Variants in ENPP3 observed in about 807,000 individuals in gnomAD.
ENPP3 encodes ectonucleotide pyrophosphatase/phosphodiesterase 3.
Under a neutral mutation model 117.8 loss-of-function variants are expected in ENPP3, and 104 were observed. The observed-to-expected ratio is 0.88, with a 90% CI of 0.75 to 1.04. The LOEUF (loss-of-function observed/expected upper bound fraction) is 1.04, where lower values mean the gene tolerates loss of function less well. Among genes scored for constraint, ENPP3 ranks in the 50% least tolerant of loss-of-function variants. The pLI is 0.00. For missense variants in ENPP3, 1,026 were observed against 1,051.9 expected, an observed-to-expected ratio of 0.98 and a Z score of 0.34; for synonymous variants, 380 against 349.9, an observed-to-expected ratio of 1.09 and a Z score of -0.96.
chr6:131,699,498 T>C (rs1406341900), intron 15 of ENPP3: 1 of 150,758 alleles, frequency 6.6e-6, no homozygotes, highest in East Asian at 2.0e-4. Context: ...TTGAAATCTT[T>C]CTAGATTTTT....
chr6:131,724,442 C>T (rs1303541378), intron 19 of ENPP3, among the ~76,000 whole-genome samples: 1 of 152,130 alleles, frequency 6.6e-6, no homozygotes, highest in Non-Finnish European at 1.5e-5. Context: ...CACTTAGCCT[C>T]CCTGTGCCTC....
rs1203247352 is a variant in ENPP3, at chr6:131,716,821, A to G, written c.1413-1851A>G. ...CTCTCTCCACTAAAAACACAAAAAT[A>G]TTAGCTGGATGTGGTGGCACATGCC... On this transcript the variant is annotated intron_variant, in intron 15 of 24. Transcript: ENST00000357639. Among the ~76,000 whole-genome samples the G allele has an allele frequency of 2.0e-5, 3 of 149,052 alleles. No individual in the cohort carries two copies. In the Admixed American group the frequency reaches 2.0e-4, roughly 10 times the overall value.
In ENPP3 at chr6:131,676,719, C is replaced by G; in HGVS notation, c.873-17C>G. On this transcript the variant is annotated splice_polypyrimidine_tract_variant and intron_variant, in intron 9 of 24. Coordinates refer to ENST00000357639, the MANE Select transcript of ENPP3 (RefSeq NM_005021.5). ...TTTGATTCATTTTAAAGAATTATTT[C>G]TACCCTATTTTTTCAGAAGTGTCCC... 6.6e-7 allele frequency: 1 copy of G among 1,521,166 alleles called. No homozygotes were observed. The highest frequency in any genetic ancestry group is 9.1e-7 in the Non-Finnish European group (1 of 1,095,816). The allele number at this position is 1,521,166 out of a possible 1,614,324, so 94.2% of individuals were successfully genotyped here.
At chr6:131,677,667 T>C (rs1426805868) in intron 10 of ENPP3, among the ~76,000 whole-genome samples, 1 of 152,130 alleles carries the variant, frequency 6.6e-6, no homozygotes, top group African/African-American at 2.4e-5. Flanking sequence ...TGCTTGTATC[T>C]GGGAAGGTCT....
At chr6:131,680,336 G>A (rs960018117) in intron 11 of ENPP3, among the ~76,000 whole-genome samples, 1 of 152,170 alleles carries the variant, frequency 6.6e-6, no homozygotes, top group Admixed American at 6.5e-5. Context: ...CCAGCAGGTG[G>A]TCCCATTTAT....
Position 131,674,309 on chromosome 6 carries a change from G to C in ENPP3, c.762+28G>C, listed in dbSNP as rs1778817508. The C allele has an allele frequency of 1.9e-6, 3 of 1,609,914 alleles. No homozygotes were observed. In the Admixed American group the frequency reaches 5.0e-5, roughly 27 times the overall value. On this transcript the variant is annotated intron_variant, in intron 8 of 24. Transcript: ENST00000357639. ...ATGTAGCATTCTACACGTCGCAACT[G>C]AAGTAACCTCCATTTCTCAGTGTGA...
chr6:131,664,012 G>A (rs1228847077), intron 6 of ENPP3, among the ~76,000 whole-genome samples: 1 of 152,096 alleles, frequency 6.6e-6, no homozygotes, highest in African/African-American at 2.4e-5. Flanking sequence ...CAAAGTGCTT[G>A]GCCACTGTGC....
At chr6:131,657,536 T>C (rs1367102837) in intron 5 of ENPP3, among the ~76,000 whole-genome samples, 1 of 152,204 alleles carries the variant, frequency 6.6e-6, no homozygotes, top group Non-Finnish European at 1.5e-5. Context: ...TAGATAGCTA[T>C]GGGAATGAAT....
At position 131,724,132 on chromosome 6, in the gene ENPP3, C is replaced by T. The variant is rs570458006; in HGVS notation, c.1798+41C>T. On this transcript the variant is annotated intron_variant, in intron 19 of 24. Transcript: ENST00000357639. The stretch of plus-strand genomic sequence containing the variant: ...ACATGTTAAGTCTTTGATATTTAGA[C>T]CTAACAAAACACAATGTGGCCCTTT... 2.3e-5 allele frequency: 32 copies of T among 1,392,384 alleles called. No individual in the cohort carries two copies. In the South Asian group the frequency reaches 3.5e-4, roughly 15 times the overall value. 86.3% of individuals were successfully genotyped at this position (1,392,384 alleles called of 1,614,324 possible).
intron 2 of ENPP3, among the ~76,000 whole-genome samples, chr6:131,649,691 G>A (rs1037949140): frequency 6.6e-6 from 1 of 152,110 alleles, no homozygotes; most frequent in Non-Finnish European, 1.5e-5. Flanking sequence ...AAGTAGCTAG[G>A]ACCATAGGCG....
intron 15 of ENPP3, among the ~76,000 whole-genome samples, chr6:131,706,831 T>TA (rs1779648970): frequency 6.6e-6 from 1 of 152,112 alleles, no homozygotes; most frequent in Admixed American, 6.5e-5. Context: ...TATAGAACTC[T>TA]ATTTATCAAG....
chr6:131,672,468 A>T (rs1204339155), intron 7 of ENPP3, among the ~76,000 whole-genome samples: 1 of 152,146 alleles, frequency 6.6e-6, no homozygotes, highest in African/African-American at 2.4e-5. Flanking sequence ...CCAACAATAT[A>T]CATAAATAAT....
intron 11 of ENPP3, among the ~76,000 whole-genome samples, chr6:131,679,249 C>T (rs1261525739): frequency 1.3e-5 from 2 of 151,588 alleles, no homozygotes; most frequent in Non-Finnish European, 2.9e-5. Flanking sequence ...CATGCGCCAC[C>T]ACGCTAGGCT....
At chr6:131,689,103 T>C (rs1255966160) in intron 14 of ENPP3, among the ~76,000 whole-genome samples, 8 of 151,986 alleles carry the variant, frequency 5.3e-5, no homozygotes, top group Admixed American at 5.2e-4. Flanking sequence ...GCCTTCTCCA[T>C]AACAGAAAAG....
At chr6:131,744,457 C>T (rs1392681516) in intron 24 of ENPP3, among the ~76,000 whole-genome samples, 1 of 152,006 alleles carries the variant, frequency 6.6e-6, no homozygotes, top group Non-Finnish European at 1.5e-5. Flanking sequence ...AGAAAAGATC[C>T]CAAATCAAAT....
chr6:131,638,416 T>C (rs1330777969), intron 1 of ENPP3: 2 of 429,082 alleles, frequency 4.7e-6, no homozygotes, highest in East Asian at 7.2e-5. Context: ...TGTTCTCTAA[T>C]AGTCTTTTTA....
chr6:131,673,679 G>A (rs191557285), intron 7 of ENPP3, among the ~76,000 whole-genome samples: 14 of 149,374 alleles, frequency 9.4e-5, no homozygotes, highest in Admixed American at 5.4e-4. Flanking sequence ...AAATAAAAGT[G>A]GAAGAAAGAG....
At chr6:131,679,381 C>A (rs1778972613) in intron 11 of ENPP3, among the ~76,000 whole-genome samples, 1 of 152,022 alleles carries the variant, frequency 6.6e-6, no homozygotes, top group Non-Finnish European at 1.5e-5. Context: ...AGGCATGAAC[C>A]ACTGCACCCA....
At chr6:131,652,336 T>C (rs1432464108) in intron 3 of ENPP3, among the ~76,000 whole-genome samples, 1 of 152,252 alleles carries the variant, frequency 6.6e-6, no homozygotes, top group Non-Finnish European at 1.5e-5. Flanking sequence ...TGGGTTGCGA[T>C]TTATAAAGCT....
Sources: allele counts gnomAD v4.1 joint callset (sites outside exome capture counted in the v4.1 genomes callset), GRCh38; gene constraint gnomAD v4.1.1; transcripts MANE v1.5; gene names NCBI Gene and HGNC (gene_info 2026-07-23, HGNC 2026-07-21).